MYH11: variants seen among roughly 807,000 people sequenced by gnomAD.
MYH11 encodes the protein myosin heavy chain 11, also known as myosin-11.
A neutral mutation model predicts 246.6 loss-of-function variants in MYH11; 80 were observed. The ratio of observed to expected loss-of-function variants is 0.32; its 90% CI spans 0.27 to 0.39. MYH11 has a LOEUF of 0.39. MYH11 is among the 10% of genes least tolerant of loss of function. The pLI is 1.00. For missense variants in MYH11, 2,158 were observed against 2,546.8 expected (o/e 0.85, Z 3.29); for synonymous variants, 1,071 against 1,015.5 (o/e 1.05, Z -1.04).
intron 3 of MYH11, among the ~76,000 whole-genome samples, chr16:15,804,932 A>C (rs2042975298): frequency 6.6e-6 from 1 of 152,040 alleles, no homozygotes; most frequent in Admixed American, 6.6e-5. Context: ...GGTTATTTCC[A>C]CCTTTTGGCT....
At chr16:15,828,691 G>A (rs1424932192) in intron 2 of MYH11, among the ~76,000 whole-genome samples, 1 of 151,480 alleles carries the variant, frequency 6.6e-6, no homozygotes, top group East Asian at 2.0e-4. Flanking sequence ...TAGTCGGGAG[G>A]CCGAGGTAGG....
At position 15,772,121 on chromosome 16, in the gene MYH11, T is replaced by C. The variant is rs1212940005; in HGVS notation, c.890-409A>G. On this transcript the variant is annotated intron_variant, in intron 8 of 40. Transcript: ENST00000300036. Reference sequence around the variant, plus strand: ...TTTTTTTTTTTTTTGAGACGGAGTCTCACTCTGTCGTCCAGGCAGGAGTGC... The same window carrying C: ...TTTTTTTTTTTTTTGAGACGGAGTCCCACTCTGTCGTCCAGGCAGGAGTGC... 8.1e-5 allele frequency among the ~76,000 whole-genome samples: 7 copies of C among 86,248 alleles called. No individual in the cohort carries two copies. The Admixed American group carries it at 1.0e-3, about 13-fold the overall frequency. The allele number at this position is 86,248 out of a possible 152,430, so 56.6% of individuals were successfully genotyped here.
chr16:15,856,705 C>T (rs983999895), intron 1 of MYH11, among the ~76,000 whole-genome samples: 24 of 151,794 alleles, frequency 1.6e-4, no homozygotes, highest in Non-Finnish European at 2.4e-4. Flanking sequence ...AATAAGCACC[C>T]CCAAAATGGT....
chr16:15,719,010 C>G (rs2040321566), intron 36 of MYH11: 1 of 613,306 alleles, frequency 1.6e-6, no homozygotes, highest in Non-Finnish European at 2.9e-6. Context: ...CACCTGTAGT[C>G]TCAGCTACTC....
At chr16:15,744,237 TG>T (rs2041355272) in intron 20 of MYH11, among the ~76,000 whole-genome samples, 1 of 152,198 alleles carries the variant, frequency 6.6e-6, no homozygotes, top group South Asian at 2.1e-4. Flanking sequence ...GTCACCAGGC[TG>T]GAGTGCAGTA....
chr16:15,751,117 GGTAT>G (rs2041555075), intron 15 of MYH11, among the ~76,000 whole-genome samples: 3 of 126,574 alleles, frequency 2.4e-5, no homozygotes, highest in Admixed American at 8.6e-5. Flanking sequence ...ACAAAAAGTA[GGTAT>G]TATTATTATT....
At chr16:15,804,094 C>T (rs2151328834) in intron 3 of MYH11, among the ~76,000 whole-genome samples, 1 of 152,308 alleles carries the variant, frequency 6.6e-6, no homozygotes, top group Non-Finnish European at 1.5e-5. Flanking sequence ...CAGTTTCACT[C>T]CCTCCTTGCT....
At chr16:15,751,787 T>G (rs1030646154) in intron 15 of MYH11, among the ~76,000 whole-genome samples, 3 of 151,222 alleles carry the variant, frequency 2.0e-5, no homozygotes, top group Admixed American at 2.0e-4. Context: ...TAATTTTGTT[T>G]TTATTTTTTA....
chr16:15,853,577 G>T (rs1245028020), intron 1 of MYH11, among the ~76,000 whole-genome samples: 1 of 152,106 alleles, frequency 6.6e-6, no homozygotes, highest in Admixed American at 6.5e-5. Context: ...TCTGTCCTTG[G>T]ATCACATACA....
chr16:15,820,487 A>G (rs578084032), intron 3 of MYH11, among the ~76,000 whole-genome samples: 27 of 151,878 alleles, frequency 1.8e-4, no homozygotes, highest in African/African-American at 5.8e-4. Flanking sequence ...AAAAAAAAAA[A>G]AAAAAGAAAG....
intron 10 of MYH11, among the ~76,000 whole-genome samples, chr16:15,761,805 G>A (rs1469267885): frequency 1.3e-5 from 2 of 152,072 alleles, no homozygotes; most frequent in Non-Finnish European, 2.9e-5. Flanking sequence ...CAGATTTAGG[G>A]ACTCTAATAC....
rs57451847 is a variant in MYH11 at position 15,705,984 on chromosome 16, C to CAAAAAAAAAAAAAAAAAAA, written c.5787-1880_5787-1862dup. ...TAGGCGACAGGGTGAGACTCCGTCT[C>CAAAAAAAAAAAAAAAAAAA]AAAAAAAAAAAAAAAAAAAAATCAA... is the stretch of plus-strand genomic sequence containing the variant. On this transcript the variant is annotated intron_variant, in intron 40 of 40. Coordinates refer to ENST00000300036, the MANE Select transcript of MYH11 (RefSeq NM_002474.3). Among the ~76,000 whole-genome samples the CAAAAAAAAAAAAAAAAAAA allele has an allele frequency of 2.1e-4, 12 of 56,756 alleles. 1 individual carries two copies. The highest frequency in any genetic ancestry group is 7.9e-4 in the African/African-American group (7 of 8,906). 37.2% of individuals were successfully genotyped at this position (56,756 alleles called of 152,430 possible). A position where few individuals can be genotyped will look rare whatever the true frequency, so the allele number is the denominator to read the frequency against.
chr16:15,731,168 A>G (rs1049107550), intron 27 of MYH11, among the ~76,000 whole-genome samples: 2 of 152,208 alleles, frequency 1.3e-5, no homozygotes, highest in African/African-American at 4.8e-5. Flanking sequence ...GAATGATCCC[A>G]GTTTTAAGTT....
intron 14 of MYH11, among the ~76,000 whole-genome samples, chr16:15,755,345 G>C (rs1277185250): frequency 6.6e-6 from 1 of 152,146 alleles, no homozygotes; most frequent in Non-Finnish European, 1.5e-5. Flanking sequence ...AGATTTCCCT[G>C]GCCAGAGCAG....
chr16:15,778,631 AC>A, intron 7 of MYH11, 148 bp downstream of exon 7: 1 of 840,152 alleles, frequency 1.2e-6, no homozygotes, highest in Non-Finnish European at 2.0e-6. Flanking sequence ...CCACTGCACC[AC>A]AATGCCTGCT....
intron 5 of MYH11, chr16:15,783,316 C>G (rs2042397733): frequency 6.6e-6 from 1 of 152,328 alleles, no homozygotes; most frequent in Admixed American, 6.5e-5. Context: ...GTCCTCCCCT[C>G]CTGCTTTCCC....
intron 29 of MYH11, 21 bp from the exon 30 acceptor site, chr16:15,724,820 G>C: frequency 6.2e-7 from 1 of 1,613,742 alleles, no homozygotes. Flanking sequence ...GATGCAAAGA[G>C]GTCCCAGGGA....
At chr16:15,757,235 C>T (rs2041748670) in intron 13 of MYH11, among the ~76,000 whole-genome samples, 1 of 151,698 alleles carries the variant, frequency 6.6e-6, no homozygotes. Context: ...CGGCTTACAG[C>T]AACCTCTGCC....
intron 9 of MYH11, among the ~76,000 whole-genome samples, chr16:15,767,936 A>T (rs2042019570): frequency 1.3e-5 from 2 of 151,498 alleles, no homozygotes; most frequent in Non-Finnish European, 2.9e-5. Context: ...AAAAAAAAAA[A>T]ATTTTTTTTT....
Sources: allele counts gnomAD v4.1 joint callset (sites outside exome capture counted in the v4.1 genomes callset), GRCh38; gene constraint gnomAD v4.1.1; transcripts MANE v1.5; gene names NCBI Gene and HGNC (gene_info 2026-07-23, HGNC 2026-07-21).